Variants in IGSF10 observed in about 807,000 individuals in gnomAD.
IGSF10 encodes the protein calvaria mechanical force protein 608.
Under a neutral mutation model 128.2 loss-of-function variants are expected in IGSF10, and 126 were observed. The ratio of observed to expected loss-of-function variants is 0.98; its 90% confidence interval spans 0.85 to 1.14. The LOEUF (loss-of-function observed/expected upper bound fraction) is 1.14. IGSF10 is among the 50% of genes most tolerant of loss of function. IGSF10 has a pLI of 0.00. For synonymous variants in IGSF10, 1,185 were observed against 1,146.2 expected, an observed-to-expected ratio of 1.03 and a Z score of -0.68; for missense variants, 3,295 against 3,149.8, an observed-to-expected ratio of 1.05 and a Z score of -1.10.
In IGSF10 at chr3:151,441,331, G is replaced by C. The variant is rs180923414; in HGVS notation, c.5963+1653C>G. On this transcript the variant is annotated intron_variant, in intron 7 of 7. Transcript: ENST00000282466. ...AGAATTCTTAATAAAGATTAATGCA[G>C]AGGCATCTTCAGCCTCTCCAAAGCA... Among the ~76,000 whole-genome samples the C allele has an allele frequency of 2.7e-3, 409 of 152,316 alleles. 3 individuals carry two copies. Among genetic ancestry groups the C allele is most frequent in the African/African-American group, 9.5e-3 (394 of 41,574 alleles).
chr3:151,455,001 G>T (rs909475924), intron 4 of IGSF10, among the ~76,000 whole-genome samples: 1 of 151,898 alleles, frequency 6.6e-6, no homozygotes, highest in Admixed American at 6.6e-5. Context: ...GCAAGATTCT[G>T]TCTCAAAAAA....
chr3:151,436,757 T>G lies in IGSF10; in HGVS notation c.7804A>C (p.Ile2602Leu). 6.2e-7 allele frequency: 1 copy of G among 1,614,144 alleles called. No homozygotes were observed. Among genetic ancestry groups the G allele is most frequent in the Non-Finnish European group, 8.5e-7 (1 of 1,180,002 alleles). ...IQNPQTSDSG[I>L]YKCTAKNPLG... ...GGGTTCTTTGCTGTGCATTTGTATA[T>G]CCCAGAATCGGAGGTTTGGGGATTC... The change falls in exon 8 of 8, where the codon ATA (isoleucine) becomes CTA (leucine). Residue 2602 changes from isoleucine to leucine, a missense_variant. Ile to Leu is a conservative substitution (Grantham distance 5). Transcript: ENST00000282466.
intron 4 of IGSF10, among the ~76,000 whole-genome samples, chr3:151,455,353 C>A (rs1444478523): frequency 7.8e-5 from 5 of 64,124 alleles, no homozygotes; most frequent in Admixed American, 3.1e-4. Flanking sequence ...CTCAGGTGAT[C>A]TGCCCCCCCT....
At chr3:151,497,859 G>A in the IGSF10 span, among the ~76,000 whole-genome samples, 1 of 152,122 alleles carries the variant, frequency 6.6e-6, no homozygotes, top group Non-Finnish European at 1.5e-5. Context: ...TCGCTGAGCA[G>A]TGGTTTGTAG....
chr3:151,567,407 C>T, the IGSF10 span, among the ~76,000 whole-genome samples: 2 of 152,270 alleles, frequency 1.3e-5, no homozygotes, highest in South Asian at 2.1e-4. Flanking sequence ...TTCTGGGACT[C>T]GTGCTAGGGT....
the IGSF10 span, among the ~76,000 whole-genome samples, chr3:151,505,536 G>A: frequency 3.3e-5 from 5 of 152,122 alleles, no homozygotes; most frequent in Non-Finnish European, 5.9e-5. Context: ...GTGAAAAGGG[G>A]ATCCTTAGTT....
At chr3:151,567,364 G>A in the IGSF10 span, among the ~76,000 whole-genome samples, 1 of 152,188 alleles carries the variant, frequency 6.6e-6, no homozygotes, top group Non-Finnish European at 1.5e-5. Flanking sequence ...TGCCTCTGCT[G>A]AGAGTATCAT....
At chr3:151,547,429 T>TACACACAC in the IGSF10 span, among the ~76,000 whole-genome samples, 8 of 146,958 alleles carry the variant, frequency 5.4e-5, no homozygotes, top group African/African-American at 1.8e-4. Flanking sequence ...AATATATATA[T>TACACACAC]ACACACACAC....
the IGSF10 span, among the ~76,000 whole-genome samples, chr3:151,528,019 A>C: frequency 1.3e-5 from 2 of 152,168 alleles, no homozygotes; most frequent in Non-Finnish European, 2.9e-5. Context: ...TGACCTGAGC[A>C]AAATATTTTA....
Position 151,446,499 on chromosome 3 carries a change from CTG to C in IGSF10, c.3480_3481del (p.Ser1161LeufsTer6). 6.2e-7 allele frequency: 1 copy of C among 1,614,144 alleles called. No homozygotes were observed. Among genetic ancestry groups the C allele is most frequent in the African/African-American group, 1.3e-5 (1 of 75,048 alleles). ...ATTGGTGCTAGACACACGTGGGTAA[CTG>C]GCGTTTACTTTGTGAGTTTTTTCCA... is the stretch of plus-strand genomic sequence containing the variant. On this transcript the variant is annotated frameshift_variant, in exon 6 of 8. Coordinates refer to ENST00000282466, the MANE Select transcript of IGSF10 (RefSeq NM_178822.5). LOFTEE classifies it high-confidence loss of function.
At chr3:151,530,436 A>G in the IGSF10 span, among the ~76,000 whole-genome samples, 25 of 152,304 alleles carry the variant, frequency 1.6e-4, no homozygotes, top group African/African-American at 5.1e-4. Context: ...GTTGAAATGA[A>G]GGAAAAAATG....
At chr3:151,588,387 G>A in the IGSF10 span, among the ~76,000 whole-genome samples, 1 of 152,082 alleles carries the variant, frequency 6.6e-6, no homozygotes, top group Non-Finnish European at 1.5e-5. Context: ...CCCTCTAGCT[G>A]ATTGTCTGCC....
chr3:151,437,551 G>T lies in IGSF10; in HGVS notation c.7010C>A (p.Pro2337Gln). ...TTCATTAAATGGATTTCTAAATGTC[G>T]GTCTTCTCAGCATTTCCAGTACTTC... ...QLEVLEMLRR[P>Q]TFRNPFNEKI... The change falls in exon 8 of 8, where the codon CCG becomes CAG. Residue 2337 changes from proline to glutamine, a missense_variant. By Grantham distance (76) the Pro-to-Gln change is moderately conservative. Transcript: ENST00000282466. 2 of 1,614,102 alleles carry T rather than the reference G, an allele frequency of 1.2e-6. No homozygotes were observed. Among genetic ancestry groups the T allele is most frequent in the Non-Finnish European group, 1.7e-6 (2 of 1,180,036 alleles).
the IGSF10 span, among the ~76,000 whole-genome samples, chr3:151,522,715 C>A: frequency 6.6e-6 from 1 of 152,112 alleles, no homozygotes; most frequent in Non-Finnish European, 1.5e-5. Context: ...CTATGACAAA[C>A]CCACAGTCAA....
chr3:151,598,408 G>A, the IGSF10 span, among the ~76,000 whole-genome samples: 2 of 152,080 alleles, frequency 1.3e-5, no homozygotes, highest in Admixed American at 1.3e-4. Context: ...AAATATGGTA[G>A]TACTGAAATG....
the IGSF10 span, among the ~76,000 whole-genome samples, chr3:151,559,368 A>G: frequency 2.6e-5 from 4 of 152,166 alleles, no homozygotes; most frequent in African/African-American, 7.2e-5. Context: ...TTGATTACTG[A>G]GAGAGTTTAG....
At chr3:151,574,799 G>C in the IGSF10 span, among the ~76,000 whole-genome samples, 1 of 152,118 alleles carries the variant, frequency 6.6e-6, no homozygotes, top group Non-Finnish European at 1.5e-5. Context: ...GAGAAAAGGT[G>C]CTTGGTTTTT....
chr3:151,520,155 A>G, the IGSF10 span, among the ~76,000 whole-genome samples: 1 of 151,624 alleles, frequency 6.6e-6, no homozygotes, highest in Non-Finnish European at 1.5e-5. Context: ...TTTTTCAGAT[A>G]TTCAGGATTT....
At chr3:151,450,111 G>A (rs907537031) in intron 5 of IGSF10, among the ~76,000 whole-genome samples, 2 of 152,310 alleles carry the variant, frequency 1.3e-5, no homozygotes, top group African/African-American at 4.8e-5. Flanking sequence ...TACAGCACTA[G>A]GACCAGCATT....
Sources: allele counts gnomAD v4.1 joint callset (sites outside exome capture counted in the v4.1 genomes callset), GRCh38; gene constraint gnomAD v4.1.1; transcripts MANE v1.5; gene names NCBI Gene and HGNC (gene_info 2026-07-23, HGNC 2026-07-21).